Variants in COL13A1 observed in about 807,000 individuals in gnomAD.
COL13A1 encodes collagen alpha-1(XIII) chain.
A neutral mutation model predicts 130.9 loss-of-function variants in COL13A1; 89 were observed. That is an observed-to-expected ratio of 0.68 (90% CI 0.57 to 0.81). The LOEUF (loss-of-function observed/expected upper bound fraction) is 0.81. Among genes scored for constraint, COL13A1 ranks in the 30% least tolerant of loss-of-function variants. The pLI, the probability that COL13A1 is intolerant of heterozygous loss-of-function variation, is 0.00. For missense variants in COL13A1, 879 were observed against 934.6 expected, an observed-to-expected ratio of 0.94 and a Z score of 0.78; for synonymous variants, 402 against 341.6, an observed-to-expected ratio of 1.18 and a Z score of -1.95.
At chr10:69,831,893 C>T (rs1164500313) in intron 2 of COL13A1, among the ~76,000 whole-genome samples, 1 of 152,188 alleles carries the variant, frequency 6.6e-6, no homozygotes, top group Admixed American at 6.5e-5. Context: ...CTTGACCTCA[C>T]ATAAAATGGG....
chr10:69,896,424 G>A (rs759933106), intron 13 of COL13A1, among the ~76,000 whole-genome samples: 40 of 152,134 alleles, frequency 2.6e-4, no homozygotes, highest in African/African-American at 6.5e-4. Context: ...GATTGGCCTC[G>A]TTGCTCCCAG....
At position 69,930,431 on chromosome 10, in the gene COL13A1, C is replaced by T; in HGVS notation, c.1562C>T (p.Pro521Leu). ...CGCGGTAAACCAGGAGACATGGGCC[C>T]TCCTGGTCCCCAAGGCCCCCCAGGA... ...GPRGKPGDMG[P>L]PGPQGPPGKD... Residue 521 changes from proline to leucine, a missense_variant, in exon 30 of 41, where the codon CCT (proline) becomes CTT (leucine). This residue lies in a region of COL13A1 where 715 missense variants were observed against 721.0 expected (regional missense o/e 0.99). Coordinates refer to ENST00000645393, the MANE Select transcript of COL13A1 (RefSeq NM_001368882.1). 1.2e-6 allele frequency: 2 copies of T among 1,613,378 alleles called. No homozygotes were observed. Among genetic ancestry groups the T allele is most frequent in the Non-Finnish European group, 1.7e-6 (2 of 1,179,644 alleles).
At chr10:69,889,325 A>G in intron 9 of COL13A1, 89 bp from the exon 10 acceptor site, 2 of 898,290 alleles carry the variant, frequency 2.2e-6, no homozygotes, top group Non-Finnish European at 1.5e-6. Context: ...AGGGAGGAGC[A>G]CAGGGGGCAG....
intron 32 of COL13A1, among the ~76,000 whole-genome samples, chr10:69,936,069 AAGGG>A (rs1200969595): frequency 1.5e-4 from 17 of 116,664 alleles, no homozygotes; most frequent in East Asian, 3.1e-4. Flanking sequence ...GGAGTGAGGG[AAGGG>A]AGGGAGGGAG....
rs2060709102 is a variant in COL13A1 at position 69,887,444 on chromosome 10, T to C, written c.514-12T>C. 1.9e-6 allele frequency: 3 copies of C among 1,612,762 alleles called. No homozygotes were observed. The highest frequency in any genetic ancestry group is 1.7e-5 in the Admixed American group (1 of 59,948). On this transcript the variant is annotated splice_polypyrimidine_tract_variant and intron_variant, in intron 7 of 40. Transcript: ENST00000645393. ...GCTCAATCTCATGTGTCTCTTGTTT[T>C]TTTTTTTTCAGGGTCAACCAGGAAC... is the stretch of plus-strand genomic sequence containing the variant.
chr10:69,862,961 T>C (rs192119400), intron 2 of COL13A1, among the ~76,000 whole-genome samples: 2 of 151,994 alleles, frequency 1.3e-5, no homozygotes, highest in Non-Finnish European at 2.9e-5. Flanking sequence ...TGGGTGGAGG[T>C]GGAACAGGCC....
chr10:69,867,955 T>C (rs1206065666), intron 3 of COL13A1, 150 bp downstream of exon 3: 3 of 625,956 alleles, frequency 4.8e-6, no homozygotes, highest in Non-Finnish European at 8.7e-6. Context: ...AGAATGCCTC[T>C]TGTGGGGAGG....
chr10:69,819,819 CCCTGCCTTAATGA>C (rs1390957977), intron 1 of COL13A1, among the ~76,000 whole-genome samples: 2 of 152,132 alleles, frequency 1.3e-5, no homozygotes, highest in Non-Finnish European at 2.9e-5. Flanking sequence ...AAGTCTCTGC[CCCTGCCTTAATGA>C]CCTGCCTTCC....
intron 1 of COL13A1, among the ~76,000 whole-genome samples, chr10:69,808,964 G>T (rs1489783894): frequency 6.6e-6 from 1 of 152,220 alleles, no homozygotes; most frequent in African/African-American, 2.4e-5. Flanking sequence ...TGGGAGAGCA[G>T]GAAAGGCTCA....
chr10:69,921,869 C>T lies in COL13A1; in HGVS notation c.1090-13C>T. On this transcript the variant is annotated splice_polypyrimidine_tract_variant and intron_variant, in intron 21 of 40. Coordinates refer to ENST00000645393, the MANE Select transcript of COL13A1 (RefSeq NM_001368882.1). ...CAGTTCCTAACCCCCACACTGTCTG[C>T]ATCTCCCTGCAGGGTGAGAAGGGGG... 6.2e-7 allele frequency: 1 copy of T among 1,601,388 alleles called. No individual in the cohort carries two copies. The highest frequency in any genetic ancestry group is 8.5e-7 in the Non-Finnish European group (1 of 1,174,220).
intron 19 of COL13A1, among the ~76,000 whole-genome samples, chr10:69,918,546 C>T (rs531973029): frequency 8.5e-5 from 13 of 152,238 alleles, no homozygotes; most frequent in Non-Finnish European, 1.8e-4. Flanking sequence ...CCTCAACTCA[C>T]TAGCCTGCCA....
At chr10:69,880,654 C>A in intron 7 of COL13A1, 101 bp downstream of exon 7, 1 of 1,299,348 alleles carries the variant, frequency 7.7e-7, no homozygotes, top group Non-Finnish European at 1.1e-6. Context: ...GCGGCTGTGC[C>A]CCTGGGTGGG....
chr10:69,839,329 A>G lies in COL13A1; in HGVS notation c.364+16891A>G, dbSNP rs148010538. Among the ~76,000 whole-genome samples, 184 of 152,376 alleles carry G rather than the reference A, an allele frequency of 1.2e-3. 1 individual carries two copies. Among genetic ancestry groups the G allele is most frequent in the African/African-American group, 4.0e-3 (167 of 41,582 alleles). On this transcript the variant is annotated intron_variant, in intron 2 of 40. Transcript: ENST00000645393. ...GAGAAATCAACAAAATAAGCACATA[A>G]GGAAATTAACAAGAAAATATCCACT...
chr10:69,821,873 G>A (rs1846160138), intron 1 of COL13A1, among the ~76,000 whole-genome samples: 1 of 152,174 alleles, frequency 6.6e-6, no homozygotes, highest in Non-Finnish European at 1.5e-5. Context: ...AGGGAAGTGA[G>A]GAAGATATTT....
chr10:69,930,045 G>A lies in COL13A1; in HGVS notation c.1488G>A (p.Gly496=). The change falls in exon 29 of 41, where the codon GGG becomes GGA. Residue 496 remains glycine, a splice_region_variant and synonymous_variant. Transcript: ENST00000645393. ...ACCTTTAGTTGTTCCGGTTACAGGG[G>A]GAGATTGGACTGCCAGGCCCTCCAG... The part of the protein sequence containing the change: ...PGAPGIPGQK[G]EIGLPGPPGH... 6.2e-7 allele frequency: 1 copy of A among 1,613,952 alleles called. No individual in the cohort carries two copies. The highest frequency in any genetic ancestry group is 8.5e-7 in the Non-Finnish European group (1 of 1,179,828).
intron 2 of COL13A1, among the ~76,000 whole-genome samples, chr10:69,825,464 T>C (rs1025433249): frequency 3.9e-5 from 6 of 152,126 alleles, no homozygotes; most frequent in Non-Finnish European, 7.3e-5. Flanking sequence ...GTTCAATAAA[T>C]GAGTATCAGT....
chr10:69,880,551 C>A lies in COL13A1; in HGVS notation c.511C>A (p.Pro171Thr). The A allele has an allele frequency of 1.2e-6, 2 of 1,613,318 alleles. No individual in the cohort carries two copies. Among genetic ancestry groups the A allele is most frequent in the Non-Finnish European group, 1.7e-6 (2 of 1,179,738 alleles). The change falls in exon 7 of 41, where the codon CCT becomes ACT. Residue 171 changes from proline to threonine, a missense_variant and splice_region_variant. By Grantham distance (38) the Pro-to-Thr change is conservative. Transcript: ENST00000645393. ...GLSIIGPRGP[P>T]GQPGTRGFPG... ...GTCCATCATTGGTCCCCGCGGCCCCCCTGTAAGTTGTTTTTGCTCTTCCTC... is the reference window on the plus strand; with the variant it reads ...GTCCATCATTGGTCCCCGCGGCCCCACTGTAAGTTGTTTTTGCTCTTCCTC...
At chr10:69,909,394 C>G (rs974525190) in intron 17 of COL13A1, among the ~76,000 whole-genome samples, 1 of 152,256 alleles carries the variant, frequency 6.6e-6, no homozygotes, top group Non-Finnish European at 1.5e-5. Flanking sequence ...ATCACCGCCT[C>G]TCTGGGTCAC....
chr10:69,940,277 G>A lies in COL13A1; in HGVS notation c.1879-711G>A, dbSNP rs141549743. On this transcript the variant is annotated intron_variant, in intron 34 of 40. Coordinates refer to ENST00000645393, the MANE Select transcript of COL13A1 (RefSeq NM_001368882.1). Reference sequence around the variant, plus strand: ...TGGCCTTAGACCTCTGTCCCAGGCCGCTGCCTCCAAAGCCTTTGCCTACAC... The same window carrying A: ...TGGCCTTAGACCTCTGTCCCAGGCCACTGCCTCCAAAGCCTTTGCCTACAC... Among the ~76,000 whole-genome samples, 1,293 of 152,280 alleles carry A rather than the reference G, an allele frequency of 8.5e-3. 22 individuals are homozygous for A. The highest frequency in any genetic ancestry group is 0.029 in the African/African-American group (1,222 of 41,556).
Sources: allele counts gnomAD v4.1 joint callset (sites outside exome capture counted in the v4.1 genomes callset), GRCh38; gene constraint gnomAD v4.1.1; regional missense constraint gnomAD v4.1.1; transcripts MANE v1.5; gene names NCBI Gene and HGNC (gene_info 2026-07-23, HGNC 2026-07-21).